The following NFATC1 variants were observed in gnomAD, a reference collection of about 807,000 sequenced individuals.
The protein encoded by NFATC1 is nuclear factor of activated T cells 1.
Under a neutral mutation model 76.0 loss-of-function variants are expected in NFATC1, and 22 were observed. That is an observed-to-expected ratio of 0.29 (90% CI 0.21 to 0.41). The LOEUF (loss-of-function observed/expected upper bound fraction) is 0.41. NFATC1 is among the 10% of genes least tolerant of loss of function. The probability of loss-of-function intolerance (pLI) is 1.00; values close to 1 mark genes in which losing one functional copy is unlikely to be tolerated. For missense variants in NFATC1, 1,357 were observed against 1,337.7 expected (o/e 1.01, Z -0.23); for synonymous variants, 704 against 613.1 (o/e 1.15, Z -2.19).
intron 9 of NFATC1, among the ~76,000 whole-genome samples, chr18:79,516,774 A>G (rs544207286): frequency 2.0e-4 from 31 of 152,338 alleles, no homozygotes; most frequent in African/African-American, 6.7e-4. Context: ...TCTGCATCAG[A>G]CACGATATAC....
intron 3 of NFATC1, among the ~76,000 whole-genome samples, chr18:79,442,991 C>G (rs866590533): frequency 6.6e-6 from 1 of 152,208 alleles, no homozygotes; most frequent in African/African-American, 2.4e-5. Context: ...CCGCCTGCCC[C>G]CTTTTGAAAA....
intron 8 of NFATC1, among the ~76,000 whole-genome samples, chr18:79,477,223 C>A (rs542712958): frequency 2.6e-5 from 4 of 152,348 alleles, no homozygotes; most frequent in African/African-American, 7.2e-5. Context: ...AAAACTTGGA[C>A]TTTCTTGTCA....
chr18:79,467,731 C>A, intron 8 of NFATC1, 149 bp downstream of exon 8: 1 of 1,276,324 alleles, frequency 7.8e-7, no homozygotes, highest in East Asian at 3.1e-5. Context: ...GCCATCGATG[C>A]CCTGAAAAGG....
At position 79,411,500 on chromosome 18, in the gene NFATC1, A is replaced by AGGTGAGCC; in HGVS notation, c.1226+2_1226+9dup. 6.8e-7 allele frequency: 1 copy of AGGTGAGCC among 1,477,592 alleles called. No homozygotes were observed. The highest frequency in any genetic ancestry group is 1.4e-5 in the South Asian group (1 of 69,366). 91.5% of individuals were successfully genotyped at this position (1,477,592 alleles called of 1,614,324 possible). On this transcript the variant is annotated stop_gained and frameshift_variant and splice_region_variant, in exon 2 of 10. Coordinates refer to ENST00000427363, the MANE Select transcript of NFATC1 (RefSeq NM_001278669.2). LOFTEE classifies it high-confidence loss of function. ...GCCCCTGTCCCCTACGTCCTACATG[A>AGGTGAGCC]GGTGAGCCGGCAGCGCGGGGCGGGA... is the stretch of plus-strand genomic sequence containing the variant.
intron 1 of NFATC1, chr18:79,402,222 A>G (rs986948505): frequency 2.1e-5 from 11 of 518,866 alleles, no homozygotes; most frequent in Non-Finnish European, 2.5e-5. Flanking sequence ...GAAGACGCAC[A>G]GGAGGCCAGT....
chr18:79,412,982 T>A (rs549855493), intron 2 of NFATC1, among the ~76,000 whole-genome samples: 1 of 152,218 alleles, frequency 6.6e-6, no homozygotes. Context: ...ACAATAAAAA[T>A]CCCATTCAGT....
intron 9 of NFATC1, among the ~76,000 whole-genome samples, chr18:79,506,559 T>TG (rs2090125532): frequency 6.6e-6 from 1 of 152,196 alleles, no homozygotes; most frequent in African/African-American, 2.4e-5. Context: ...TGCTCAGTGC[T>TG]GGGGGAATTG....
chr18:79,406,024 G>A (rs565657022), intron 1 of NFATC1, among the ~76,000 whole-genome samples: 7 of 152,232 alleles, frequency 4.6e-5, no homozygotes, highest in African/African-American at 7.2e-5. Context: ...TTCCTGCCCC[G>A]TTTCATCTAG....
intron 9 of NFATC1, among the ~76,000 whole-genome samples, chr18:79,514,470 G>A (rs1196454539): frequency 6.7e-6 from 1 of 149,082 alleles, no homozygotes; most frequent in Non-Finnish European, 1.5e-5. Context: ...GGAGGCAGAG[G>A]AGAAAGGATC....
At chr18:79,480,312 G>A (rs2089229562) in intron 8 of NFATC1, among the ~76,000 whole-genome samples, 1 of 152,118 alleles carries the variant, frequency 6.6e-6, no homozygotes, top group Non-Finnish European at 1.5e-5. Context: ...AGAAAGAGAG[G>A]GAGCGCCTGC....
chr18:79,470,122 C>A, intron 8 of NFATC1: 1 of 419,076 alleles, frequency 2.4e-6, no homozygotes, highest in Non-Finnish European at 3.2e-6. Flanking sequence ...GTCCTCCGTG[C>A]TGTGCATCTG....
At chr18:79,421,820 C>T (rs2086103048) in intron 2 of NFATC1, 1 of 152,326 alleles carries the variant, frequency 6.6e-6, no homozygotes. Context: ...TGTCCTGTCC[C>T]CGTGGCGACA....
At chr18:79,411,578 G>T in intron 2 of NFATC1, 77 bp downstream of exon 2, 1 of 1,065,418 alleles carries the variant, frequency 9.4e-7, no homozygotes, top group Non-Finnish European at 1.2e-6. Context: ...AGCGGGACGG[G>T]GGGCGGCGCG....
intron 1 of NFATC1, among the ~76,000 whole-genome samples, chr18:79,396,916 C>T (rs1235499934): frequency 6.6e-6 from 1 of 152,170 alleles, no homozygotes; most frequent in Non-Finnish European, 1.5e-5. Context: ...ATCCAAAGCG[C>T]GGCCGCAGCA....
chr18:79,496,006 T>TA (rs1179583416), intron 9 of NFATC1: 2 of 152,312 alleles, frequency 1.3e-5, no homozygotes, highest in Non-Finnish European at 2.9e-5. Flanking sequence ...TGAACAGTAG[T>TA]AAGGCGTCCG....
intron 9 of NFATC1, among the ~76,000 whole-genome samples, chr18:79,504,070 C>G (rs937160506): frequency 3.3e-5 from 5 of 152,184 alleles, no homozygotes; most frequent in Admixed American, 3.3e-4. Context: ...CTGTCCAGAT[C>G]ACTCGGACTT....
intron 8 of NFATC1, among the ~76,000 whole-genome samples, chr18:79,471,598 G>C (rs776305904): frequency 6.6e-6 from 1 of 152,192 alleles, no homozygotes; most frequent in Non-Finnish European, 1.5e-5. Flanking sequence ...AGCTGCTCCC[G>C]GCCCTAGGTC....
intron 9 of NFATC1, among the ~76,000 whole-genome samples, chr18:79,493,191 G>A (rs780466091): frequency 6.6e-6 from 1 of 152,248 alleles, no homozygotes; most frequent in African/African-American, 2.4e-5. Context: ...CACGCATTCC[G>A]CATCGTGGAG....
chr18:79,436,228 C>T (rs1454204706), intron 3 of NFATC1, among the ~76,000 whole-genome samples: 2 of 152,242 alleles, frequency 1.3e-5, no homozygotes, highest in Non-Finnish European at 2.9e-5. Flanking sequence ...AGGCTCATCG[C>T]ACTGGCCTGG....
Sources: gnomAD v4.1 joint callset for allele counts (sites outside exome capture counted in the v4.1 genomes callset) on GRCh38, gnomAD v4.1.1 for gene constraint, MANE v1.5 for transcripts, NCBI Gene and HGNC (gene_info 2026-07-23, HGNC 2026-07-21) for gene names.